Variants in SPATA6 observed in about 807,000 individuals in gnomAD.
The protein encoded by SPATA6 is spermatogenesis associated 6, also known as spermatogenesis-associated protein 6.
In SPATA6, 56 loss-of-function variants were observed where a neutral mutation model predicts 65.3. The observed-to-expected ratio is 0.86, with a 90% CI of 0.69 to 1.07. The LOEUF (loss-of-function observed/expected upper bound fraction) is 1.07, where lower values mean the gene tolerates loss of function less well. SPATA6 is among the 50% of genes least tolerant of loss of function. The pLI, the probability that SPATA6 is intolerant of heterozygous loss-of-function variation, is 0.00. For synonymous variants in SPATA6, 199 were observed against 213.2 expected (o/e 0.93, Z 0.58); for missense variants, 590 against 594.8 (o/e 0.99, Z 0.08).
intron 11 of SPATA6, 31 bp downstream of exon 11, chr1:48,355,639 T>A: frequency 1.3e-6 from 2 of 1,514,788 alleles, no homozygotes; most frequent in Non-Finnish European, 9.1e-7. Flanking sequence ...CTATTATAAA[T>A]AGTCTTCAAA....
chr1:48,271,327 A>G, the SPATA6 span, among the ~76,000 whole-genome samples: 2 of 152,178 alleles, frequency 1.3e-5, no homozygotes, highest in African/African-American at 4.8e-5. Flanking sequence ...TATTTAAAAA[A>G]ATTTAAGAGT....
At chr1:48,340,014 C>T (rs571147678) in intron 11 of SPATA6, among the ~76,000 whole-genome samples, 71 of 151,504 alleles carry the variant, frequency 4.7e-4, no homozygotes, top group Non-Finnish European at 8.6e-4. Context: ...AAGAAAGAAG[C>T]CAGAGATAAA....
chr1:48,353,743 C>T (rs1646579323), intron 11 of SPATA6, among the ~76,000 whole-genome samples: 1 of 151,758 alleles, frequency 6.6e-6, no homozygotes, highest in Non-Finnish European at 1.5e-5. Flanking sequence ...TGAAATGTGA[C>T]CCCTAGCTAC....
At chr1:48,453,167 T>C in intron 1 of SPATA6, 36 bp from the exon 2 acceptor site, 1 of 1,593,078 alleles carries the variant, frequency 6.3e-7, no homozygotes, top group Non-Finnish European at 8.5e-7. Flanking sequence ...GTAACTGCTT[T>C]ATAAATTCCC....
the SPATA6 span, among the ~76,000 whole-genome samples, chr1:48,267,853 G>A: frequency 7.3e-6 from 1 of 137,824 alleles, no homozygotes; most frequent in Admixed American, 8.3e-5. Context: ...CCGGGTTCAT[G>A]CCATTCTCCT....
intron 9 of SPATA6, among the ~76,000 whole-genome samples, chr1:48,364,681 G>A (rs1258487454): frequency 2.6e-5 from 4 of 152,124 alleles, no homozygotes; most frequent in Non-Finnish European, 4.4e-5. Context: ...TGAGTTCATT[G>A]TAGATTCTGG....
intron 1 of SPATA6, among the ~76,000 whole-genome samples, chr1:48,469,396 AG>A: frequency 6.6e-6 from 1 of 151,948 alleles, no homozygotes. Flanking sequence ...AGTGATCTCC[AG>A]GACATACTGA....
At chr1:48,314,169 C>G (rs1438554578) in intron 11 of SPATA6, among the ~76,000 whole-genome samples, 3 of 152,192 alleles carry the variant, frequency 2.0e-5, no homozygotes, top group Admixed American at 1.3e-4. Flanking sequence ...AGGAATTGAA[C>G]TCAGCTCTGC....
At chr1:48,403,737 C>T (rs41296157) in intron 6 of SPATA6, 65 bp downstream of exon 6, 77,453 of 1,350,994 alleles carry the variant, frequency 0.057, 2,568 homozygotes, top group Non-Finnish European at 0.066. Flanking sequence ...ATAACGCTTG[C>T]CAAAAGGCCA....
intron 12 of SPATA6, among the ~76,000 whole-genome samples, chr1:48,301,017 A>T (rs1644924631): frequency 6.6e-6 from 1 of 152,154 alleles, no homozygotes; most frequent in South Asian, 2.1e-4. Flanking sequence ...CTTATATTCA[A>T]CATAGTAATG....
intron 11 of SPATA6, among the ~76,000 whole-genome samples, chr1:48,327,343 A>C (rs377200622): frequency 6.6e-6 from 1 of 152,218 alleles, no homozygotes; most frequent in African/African-American, 2.4e-5. Flanking sequence ...AAGTCAAAAA[A>C]CAGCAGATGC....
intron 9 of SPATA6, among the ~76,000 whole-genome samples, chr1:48,362,397 G>C (rs1272319040): frequency 6.6e-6 from 1 of 152,146 alleles, no homozygotes; most frequent in Non-Finnish European, 1.5e-5. Context: ...AGACATGTTA[G>C]ATGGCAGACC....
chr1:48,438,390 G>A (rs771888817), intron 3 of SPATA6, among the ~76,000 whole-genome samples: 8 of 152,270 alleles, frequency 5.3e-5, no homozygotes, highest in Non-Finnish European at 7.4e-5. Context: ...AGTTAAAAGC[G>A]ACTAGCGCAG....
intron 9 of SPATA6, among the ~76,000 whole-genome samples, chr1:48,375,892 C>T (rs1647841293): frequency 6.6e-6 from 1 of 152,074 alleles, no homozygotes; most frequent in Non-Finnish European, 1.5e-5. Context: ...TTGAAAGGTA[C>T]CTTAAAATGG....
chr1:48,350,490 G>A (rs1034646423), intron 11 of SPATA6, among the ~76,000 whole-genome samples: 7 of 150,952 alleles, frequency 4.6e-5, no homozygotes, highest in East Asian at 3.9e-4. Context: ...ACTCATTGCC[G>A]AAATTAAATT....
intron 11 of SPATA6, among the ~76,000 whole-genome samples, chr1:48,353,359 T>C (rs1646565762): frequency 1.4e-5 from 2 of 148,072 alleles, no homozygotes; most frequent in Non-Finnish European, 3.0e-5. Flanking sequence ...CAAAGGAAAA[T>C]AAATTGTTAA....
chr1:48,396,256 T>A (rs1650576397), intron 7 of SPATA6, among the ~76,000 whole-genome samples: 1 of 151,684 alleles, frequency 6.6e-6, no homozygotes, highest in African/African-American at 2.4e-5. Context: ...TGTGAATAAC[T>A]TTGAACACTT....
chr1:48,469,472 T>TTATATATATATA (rs59371419), intron 1 of SPATA6, among the ~76,000 whole-genome samples: 5 of 144,444 alleles, frequency 3.5e-5, no homozygotes, highest in African/African-American at 1.3e-4. Context: ...AAATATCTAT[T>TTATATATATATA]TATATATATA....
At chr1:48,359,425 C>T (rs1176831020) in intron 10 of SPATA6, among the ~76,000 whole-genome samples, 161 bp downstream of exon 10, 1 of 152,176 alleles carries the variant, frequency 6.6e-6, no homozygotes, top group Non-Finnish European at 1.5e-5. Context: ...AAATATCTAA[C>T]ATTATCTAAT....
Sources: gnomAD v4.1 joint callset for allele counts (sites outside exome capture counted in the v4.1 genomes callset) on GRCh38, gnomAD v4.1.1 for gene constraint, MANE v1.5 for transcripts, NCBI Gene and HGNC (gene_info 2026-07-23, HGNC 2026-07-21) for gene names.